Variants in TAPBPL observed in about 807,000 individuals in gnomAD.
TAPBPL encodes TAP binding protein like, also known as tapasin-related protein.
Under a neutral mutation model 44.8 loss-of-function variants are expected in TAPBPL, and 32 were observed. That is an observed-to-expected ratio of 0.71 (90% CI 0.54 to 0.96). The LOEUF is 0.96. Ranked by LOEUF, TAPBPL falls within the 40% of genes least tolerant of loss-of-function variation. The pLI is 0.00. For synonymous variants in TAPBPL, 230 were observed against 240.7 expected, an observed-to-expected ratio of 0.96 and a Z score of 0.41; for missense variants, 520 against 586.6, an observed-to-expected ratio of 0.89 and a Z score of 1.17.
chr12:6,470,519 A>C (rs1945746747), downstream of TAPBPL: 2 of 1,613,952 alleles, frequency 1.2e-6, no homozygotes, highest in Non-Finnish European at 1.7e-6. Flanking sequence ...CCCACACCAG[A>C]GTCAACTCAC....
In TAPBPL at chr12:6,457,567, G is replaced by A. The variant is rs1403179543; in HGVS notation, c.727G>A (p.Ala243Thr). The change falls in exon 4 of 7, where the codon GCA (alanine) becomes ACA (threonine). Residue 243 changes from alanine (A) to threonine (T), a missense_variant. Transcript: ENST00000266556. ...GGGTCAGTTGGTGTACAGCTGGACC[G>A]CAGGGCAGGGGCAGGCTGTGCGGAA... is the stretch of plus-strand genomic sequence containing the variant. ...GRGQLVYSWT[A>T]GQGQAVRKGA... 9 of 1,614,098 alleles carry A rather than the reference G, an allele frequency of 5.6e-6. No individual in the cohort carries two copies. Among genetic ancestry groups the A allele is most frequent in the South Asian group, 2.2e-5 (2 of 91,082 alleles).
downstream of TAPBPL, chr12:6,471,055 C>G (rs1221604022): frequency 6.4e-6 from 1 of 156,866 alleles, no homozygotes; most frequent in African/African-American, 2.4e-5. This position sits in a 1 kb window ranked among gnomAD's most constrained non-coding sequence, Gnocchi z 4.0. Context: ...CGCGCCGGGA[C>G]TCGCGCATTC....
chr12:6,464,587 A>G (rs1037342597), downstream of TAPBPL: 114 of 1,461,200 alleles, frequency 7.8e-5, no homozygotes, highest in Non-Finnish European at 1.0e-4. Context: ...AGGTCTCTCC[A>G]TTGTTAAGTG....
intron 4 of TAPBPL, among the ~76,000 whole-genome samples, 200 bp downstream of exon 4, chr12:6,457,944 G>A (rs1418939816): frequency 1.3e-5 from 2 of 152,188 alleles, no homozygotes; most frequent in Admixed American, 6.5e-5. Flanking sequence ...TCCACCAAGA[G>A]ATTTCCAGCC....
intron 5 of TAPBPL, among the ~76,000 whole-genome samples, chr12:6,459,706 T>C (rs1365866576): frequency 1.3e-5 from 2 of 152,032 alleles, no homozygotes; most frequent in Non-Finnish European, 2.9e-5. Context: ...CTGAGAGCCA[T>C]AGCATGCTGT....
chr12:6,456,125 AT>A (rs1010299870), intron 3 of TAPBPL, among the ~76,000 whole-genome samples: 1,808 of 98,988 alleles, frequency 0.018, 21 homozygotes, highest in South Asian at 0.068. Context: ...TTGTCCCAAT[AT>A]TTTTTTTTTT....
At chr12:6,470,933 A>C, downstream of TAPBPL, 1 of 258,776 alleles carries the variant, frequency 3.9e-6, no homozygotes, top group Non-Finnish European at 7.7e-6. Context: ...GGCGGGGTGG[A>C]GATGAGGTCT....
chr12:6,453,399 G>A lies in TAPBPL; in HGVS notation c.296-48G>A. ...CACATACTGCCTCCCGTTGGCCCTG[G>A]TGTTCTCACGCTAATTTGCCCTCTG... On this transcript the variant is annotated intron_variant, in intron 2 of 6. Coordinates refer to ENST00000266556, the MANE Select transcript of TAPBPL (RefSeq NM_018009.5). The surrounding 1 kb of genome is among the most constrained non-coding windows in gnomAD (Gnocchi z 4.8). The A allele has an allele frequency of 6.2e-7, 1 of 1,610,216 alleles. No individual in the cohort carries two copies. Among genetic ancestry groups the A allele is most frequent in the Non-Finnish European group, 8.5e-7 (1 of 1,177,640 alleles).
At chr12:6,466,188 G>T (rs1395623593), downstream of TAPBPL, 3 of 1,613,816 alleles carry the variant, frequency 1.9e-6, no homozygotes, top group African/African-American at 4.0e-5. Flanking sequence ...CAAACTCCTA[G>T]ATTTGGAAAC....
downstream of TAPBPL, chr12:6,470,958 C>T (rs1048811085): frequency 4.2e-5 from 8 of 188,678 alleles, no homozygotes; most frequent in Non-Finnish European, 6.7e-5. Flanking sequence ...CTTCGGAGGG[C>T]GCTTCAGCAG....
At chr12:6,471,539 G>T in the TAPBPL span, among the ~76,000 whole-genome samples, 4 of 152,072 alleles carry the variant, frequency 2.6e-5, no homozygotes, top group Non-Finnish European at 4.4e-5. This position sits in a 1 kb window ranked among gnomAD's most constrained non-coding sequence, Gnocchi z 4.0. Flanking sequence ...AAGAAAAAAG[G>T]TTACAAGGCC....
chr12:6,452,049 T>C lies in TAPBPL; in HGVS notation c.-200T>C, dbSNP rs1949559021. 3.1e-6 allele frequency: 2 copies of C among 638,482 alleles called. No individual in the cohort carries two copies. Among genetic ancestry groups the C allele is most frequent in the Non-Finnish European group, 5.6e-6 (2 of 359,824 alleles). The allele number at this position is 638,482 out of a possible 1,614,324, so 39.6% of individuals were successfully genotyped here. On this transcript the variant is annotated 5_prime_UTR_variant, in exon 1 of 7. Coordinates refer to ENST00000266556, the MANE Select transcript of TAPBPL (RefSeq NM_018009.5). ...GGCTCTGGCAGCTGCTGCAGACGGC[T>C]TCACACAGGGACGCGGGCTGCCATC...
chr12:6,467,896 T>G (rs993905047), downstream of TAPBPL, among the ~76,000 whole-genome samples: 1 of 152,242 alleles, frequency 6.6e-6, no homozygotes, highest in Non-Finnish European at 1.5e-5. Flanking sequence ...AGCTTCCACA[T>G]GGTGTTGAGC....
At chr12:6,464,307 G>C, downstream of TAPBPL, 1 of 1,545,186 alleles carries the variant, frequency 6.5e-7, no homozygotes, top group Non-Finnish European at 8.7e-7. Flanking sequence ...TAGTGTTGAG[G>C]GACAGAGTGC....
At chr12:6,465,465 TAG>T (rs1491459751), downstream of TAPBPL, 3,216 of 122,714 alleles carry the variant, frequency 0.026, 391 homozygotes, top group African/African-American at 0.079. Context: ...TGTGTATATA[TAG>T]TGTGTGTGTG....
rs1949614251 is a variant in TAPBPL, at chr12:6,453,357, G to A, written c.295+60G>A. On this transcript the variant is annotated intron_variant, in intron 2 of 6. Transcript: ENST00000266556. The surrounding 1 kb of genome is among the most constrained non-coding windows in gnomAD (Gnocchi z 4.8). ...GGGCTCCCTCCACCAGGACAGCCCA[G>A]GTCCCGATTACAGCCACACATACTG... The A allele has an allele frequency of 6.2e-7, 1 of 1,609,722 alleles. No individual in the cohort carries two copies. The highest frequency in any genetic ancestry group is 8.5e-7 in the Non-Finnish European group (1 of 1,177,492).
intron 5 of TAPBPL, 59 bp downstream of exon 5, chr12:6,459,006 C>G (rs1949775830): frequency 1.2e-5 from 18 of 1,558,922 alleles, no homozygotes; most frequent in Non-Finnish European, 1.1e-5. Flanking sequence ...CTCTCCTGCC[C>G]CAGCTCATCT....
In TAPBPL at chr12:6,461,920, CCAAGGACCTAG is replaced by C. The variant is rs1486069779; in HGVS notation, c.1292-113_1292-103del. On this transcript the variant is annotated intron_variant, in intron 6 of 6. Transcript: ENST00000266556. Reference sequence around the variant, plus strand: ...CATCCCCTGGGACAGGACAAGCAGGCCAAGGACCTAGGAAGGAGCACAGGAGGCAGATGGAA... The same window carrying C: ...CATCCCCTGGGACAGGACAAGCAGGCGAAGGAGCACAGGAGGCAGATGGAA... 4 of 806,584 alleles carry C rather than the reference CCAAGGACCTAG, an allele frequency of 5.0e-6. No individual in the cohort carries two copies. In the African/African-American group the frequency reaches 6.9e-5, roughly 14 times the overall value. The allele number at this position is 806,584 out of a possible 1,614,324, so 50.0% of individuals were successfully genotyped here.
downstream of TAPBPL, chr12:6,464,146 G>A (rs763736645): frequency 7.9e-6 from 11 of 1,391,036 alleles, no homozygotes; most frequent in Admixed American, 6.5e-5. Context: ...TGGGTACTTC[G>A]CCTCAGCCAC....
Sources: allele counts gnomAD v4.1 joint callset (sites outside exome capture counted in the v4.1 genomes callset), GRCh38; gene constraint gnomAD v4.1.1; non-coding constraint Gnocchi (gnomAD v3.1); transcripts MANE v1.5; gene names NCBI Gene and HGNC (gene_info 2026-07-23, HGNC 2026-07-21).